Variants in CREB5 observed in about 807,000 individuals in gnomAD.
CREB5 encodes cyclic AMP-responsive element-binding protein 5.
Under a neutral mutation model 57.1 loss-of-function variants are expected in CREB5, and 19 were observed. The observed-to-expected ratio is 0.33, with a 90% CI of 0.23 to 0.49. CREB5 has a LOEUF of 0.49. Among genes scored for constraint, CREB5 ranks in the 20% least tolerant of loss-of-function variants. CREB5 has a pLI of 0.99. For synonymous variants in CREB5, 238 were observed against 238.3 expected (o/e 1.00, Z 0.01); for missense variants, 579 against 671.6 (o/e 0.86, Z 1.52).
Position 28,628,350 on chromosome 7 carries a change from C to T in CREB5, c.464+57813C>T, listed in dbSNP as rs115961527. On this transcript the variant is annotated intron_variant, in intron 5 of 10. Coordinates refer to ENST00000357727, the MANE Select transcript of CREB5 (RefSeq NM_182898.4). ...CTGGGGCAGCTACAGCAACTGACCACGCCTGCTTATTGTCTGTCTCCTGTC... is the reference window on the plus strand; with the variant it reads ...CTGGGGCAGCTACAGCAACTGACCATGCCTGCTTATTGTCTGTCTCCTGTC... 1.5e-3 allele frequency among the ~76,000 whole-genome samples: 223 copies of T among 152,250 alleles called. 1 individual carries two copies. Among genetic ancestry groups the T allele is most frequent in the African/African-American group, 4.7e-3 (196 of 41,546 alleles).
intron 1 of CREB5, among the ~76,000 whole-genome samples, chr7:28,433,873 T>C (rs1325296365): frequency 1.3e-5 from 2 of 151,730 alleles, no homozygotes; most frequent in Admixed American, 6.6e-5. Context: ...TTTTCTGTTT[T>C]CCTCTTTCGT....
intron 1 of CREB5, among the ~76,000 whole-genome samples, chr7:28,479,345 AT>A (rs2128588496): frequency 6.6e-6 from 1 of 152,248 alleles, no homozygotes; most frequent in Admixed American, 6.5e-5. Context: ...CCTTCTAATA[AT>A]AGCAGACAAT....
intron 5 of CREB5, among the ~76,000 whole-genome samples, chr7:28,708,967 G>C (rs953928163): frequency 1.3e-5 from 2 of 152,194 alleles, no homozygotes; most frequent in African/African-American, 4.8e-5. Flanking sequence ...CTACTTATTT[G>C]TCCTTGTGAG....
At chr7:28,800,962 C>A (rs1240180119) in intron 7 of CREB5, among the ~76,000 whole-genome samples, 1 of 152,172 alleles carries the variant, frequency 6.6e-6, no homozygotes, top group Non-Finnish European at 1.5e-5. Context: ...GTGGCTTTGC[C>A]TCTCCTTTAG....
At chr7:28,415,004 AC>A (rs147511324) in intron 1 of CREB5, among the ~76,000 whole-genome samples, 3,480 of 152,018 alleles carry the variant, frequency 0.023, 158 homozygotes, top group African/African-American at 0.079. Flanking sequence ...CTTCCCCCTC[AC>A]CCCCTGAGAA....
intron 5 of CREB5, among the ~76,000 whole-genome samples, chr7:28,674,942 C>G (rs7791625): frequency 0.15 from 23,321 of 152,212 alleles, 1,975 homozygotes; most frequent in East Asian, 0.22. Context: ...CCGCTTTTCC[C>G]TCTCTTTCTC....
chr7:28,440,259 T>G (rs569078249), intron 1 of CREB5, among the ~76,000 whole-genome samples: 1 of 152,318 alleles, frequency 6.6e-6, no homozygotes, highest in South Asian at 2.1e-4. Context: ...CTGTGAGGAC[T>G]CACCATCTGC....
chr7:28,399,173 T>C (rs905157116), intron 1 of CREB5, among the ~76,000 whole-genome samples: 1 of 152,054 alleles, frequency 6.6e-6, no homozygotes, highest in Non-Finnish European at 1.5e-5. Context: ...TCTAGAATCA[T>C]GAACCCAAGT....
intron 5 of CREB5, among the ~76,000 whole-genome samples, chr7:28,668,992 C>G (rs542706542): frequency 9.2e-5 from 14 of 152,246 alleles, no homozygotes; most frequent in Non-Finnish European, 1.3e-4. Context: ...GTATGCAACA[C>G]GAGAAAGGCA....
chr7:28,697,900 A>C (rs191347681), intron 5 of CREB5, among the ~76,000 whole-genome samples: 103 of 152,310 alleles, frequency 6.8e-4, no homozygotes, highest in African/African-American at 2.4e-3. Context: ...CTTGATTTTT[A>C]ACACAGCTCA....
intron 1 of CREB5, among the ~76,000 whole-genome samples, chr7:28,427,393 A>G (rs1038130342): frequency 5.3e-5 from 8 of 152,122 alleles, no homozygotes; most frequent in Non-Finnish European, 1.5e-5. Context: ...TTTGACATTT[A>G]ACTTTGCTGT....
At chr7:28,373,487 C>G (rs1254217828) in intron 1 of CREB5, among the ~76,000 whole-genome samples, 4 of 147,176 alleles carry the variant, frequency 2.7e-5, no homozygotes, top group Non-Finnish European at 5.9e-5. Flanking sequence ...GTTGCCCAGG[C>G]TGAAGTGCAG....
intron 2 of CREB5, among the ~76,000 whole-genome samples, 163 bp downstream of exon 2, chr7:28,488,409 C>A (rs1470803315): frequency 6.6e-6 from 1 of 152,190 alleles, no homozygotes; most frequent in Non-Finnish European, 1.5e-5. Flanking sequence ...ATTTTCATCG[C>A]CATCATTATA....
At chr7:28,346,680 G>T (rs1264184164) in intron 1 of CREB5, among the ~76,000 whole-genome samples, 1 of 152,206 alleles carries the variant, frequency 6.6e-6, no homozygotes, top group Non-Finnish European at 1.5e-5. Flanking sequence ...CAGGAAGCAG[G>T]TGGGACTTTG....
At chr7:28,477,171 C>A (rs1233170397) in intron 1 of CREB5, among the ~76,000 whole-genome samples, 1 of 152,224 alleles carries the variant, frequency 6.6e-6, no homozygotes, top group East Asian at 1.9e-4. Context: ...GATGGGTAAT[C>A]AATCACTGTC....
At chr7:28,678,631 G>A (rs562605238) in intron 5 of CREB5, among the ~76,000 whole-genome samples, 39 of 152,316 alleles carry the variant, frequency 2.6e-4, no homozygotes, top group African/African-American at 8.4e-4. Flanking sequence ...GAGAGGGACA[G>A]TAGAATGTGG....
At chr7:28,773,607 G>A (rs564003190) in intron 7 of CREB5, among the ~76,000 whole-genome samples, 1 of 152,250 alleles carries the variant, frequency 6.6e-6, no homozygotes, top group Admixed American at 6.5e-5. Flanking sequence ...CTGAATGAAT[G>A]GGCATGGCTG....
chr7:28,817,878 A>G lies in CREB5; in HGVS notation c.1255-193A>G, dbSNP rs187292955. Among the ~76,000 whole-genome samples, 258 of 152,314 alleles carry G rather than the reference A, an allele frequency of 1.7e-3. 1 individual carries two copies. The highest frequency in any genetic ancestry group is 4.6e-3 in the African/African-American group (191 of 41,570). On this transcript the variant is annotated intron_variant, in intron 9 of 10. Transcript: ENST00000357727. ...TTGAGTTAAAACCTAAGCTCTGCAG[A>G]AAGCCCCTGGGAAATGTGAGGGCCA... is the stretch of plus-strand genomic sequence containing the variant.
intron 1 of CREB5, among the ~76,000 whole-genome samples, chr7:28,305,724 T>C (rs929112105): frequency 3.7e-4 from 57 of 152,040 alleles, no homozygotes; most frequent in African/African-American, 1.3e-3. Context: ...TTTTCTTTTT[T>C]TTTTTTTTTA....
Sources: gnomAD v4.1 joint callset for allele counts (sites outside exome capture counted in the v4.1 genomes callset) on GRCh38, gnomAD v4.1.1 for gene constraint, MANE v1.5 for transcripts, NCBI Gene and HGNC (gene_info 2026-07-23, HGNC 2026-07-21) for gene names.